The following AIG1 variants were observed in gnomAD, a reference collection of about 807,000 sequenced individuals.
AIG1 encodes androgen-induced gene 1 protein.
In AIG1, 23 loss-of-function variants were observed where a neutral mutation model predicts 31.4. That is an observed-to-expected ratio of 0.73 (90% CI 0.53 to 1.04). AIG1 has a LOEUF of 1.04. Ranked by LOEUF, AIG1 falls within the 50% of genes least tolerant of loss-of-function variation. The pLI, the probability that AIG1 is intolerant of heterozygous loss-of-function variation, is 0.00. For synonymous variants in AIG1, 100 were observed against 110.5 expected (o/e 0.90, Z 0.60); for missense variants, 274 against 295.0 (o/e 0.93, Z 0.52).
At position 143,165,076 on chromosome 6, in the gene AIG1, T is replaced by C. The variant is rs369953522; in HGVS notation, c.298-6T>C. The C allele has an allele frequency of 1.6e-3, 2,563 of 1,597,550 alleles. 2 individuals are homozygous for C. The highest frequency in any genetic ancestry group is 3.3e-3 in the Middle Eastern group (20 of 6,024). ...CTTGAAATAAAAGATTTCTTTTTCC[T>C]TCCAGTTTGTTGTAGCAGTGTTCTG... On this transcript the variant is annotated splice_polypyrimidine_tract_variant and splice_region_variant and intron_variant, in intron 2 of 5. Transcript: ENST00000357847.
At chr6:143,290,887 C>G (rs1798018307) in intron 4 of AIG1, among the ~76,000 whole-genome samples, 1 of 152,144 alleles carries the variant, frequency 6.6e-6, no homozygotes, top group African/African-American at 2.4e-5. Context: ...ACTCTGCTCA[C>G]TTACTATCAC....
At chr6:143,313,277 A>G (rs1775458157) in intron 4 of AIG1, among the ~76,000 whole-genome samples, 2 of 152,210 alleles carry the variant, frequency 1.3e-5, no homozygotes, top group African/African-American at 4.8e-5. Flanking sequence ...CACTATTCAC[A>G]ATAGCCAAGA....
At chr6:143,191,223 C>G (rs1432174895) in intron 3 of AIG1, among the ~76,000 whole-genome samples, 1 of 152,158 alleles carries the variant, frequency 6.6e-6, no homozygotes, top group Non-Finnish European at 1.5e-5. Flanking sequence ...GGTGGTATCT[C>G]TGCCTCAGTT....
At chr6:143,165,977 T>C (rs1786897607) in intron 3 of AIG1, among the ~76,000 whole-genome samples, 1 of 152,160 alleles carries the variant, frequency 6.6e-6, no homozygotes, top group Non-Finnish European at 1.5e-5. Flanking sequence ...TTTTAGAATA[T>C]GTCCCAGGGT....
intron 5 of AIG1, chr6:143,337,885 A>T (rs945320695): frequency 1.9e-4 from 75 of 398,322 alleles, no homozygotes; most frequent in Admixed American, 1.3e-4. Context: ...TCGCTTTGCG[A>T]TAGGTTTCTT....
downstream of AIG1, among the ~76,000 whole-genome samples, chr6:143,341,574 A>C (rs544819282): frequency 6.6e-6 from 1 of 152,338 alleles, no homozygotes; most frequent in Admixed American, 6.5e-5. Flanking sequence ...ATGTACATAC[A>C]CAGAGGAAAG....
chr6:143,318,679 G>T (rs1245280937), intron 4 of AIG1, among the ~76,000 whole-genome samples: 3 of 151,840 alleles, frequency 2.0e-5, no homozygotes, highest in African/African-American at 7.3e-5. Context: ...ACAATCAGCA[G>T]AGTAAACAGA....
intron 1 of AIG1, among the ~76,000 whole-genome samples, chr6:143,103,633 G>A (rs895553059): frequency 3.4e-5 from 5 of 145,316 alleles, no homozygotes; most frequent in South Asian, 2.3e-4. Flanking sequence ...TCAGCCTCCC[G>A]AGTAGCTGGG....
intron 1 of AIG1, among the ~76,000 whole-genome samples, chr6:143,116,604 G>A (rs1428165895): frequency 1.3e-5 from 2 of 151,220 alleles, no homozygotes; most frequent in Middle Eastern, 3.4e-3. Context: ...AGTGGCAGGA[G>A]AGGCCTATTT....
At chr6:143,316,312 C>A (rs1377140107) in intron 4 of AIG1, among the ~76,000 whole-genome samples, 1 of 152,116 alleles carries the variant, frequency 6.6e-6, no homozygotes, top group African/African-American at 2.4e-5. Context: ...GAAAGATCCC[C>A]TTTGCCCACA....
At chr6:143,319,297 A>G (rs1429706004) in intron 4 of AIG1, among the ~76,000 whole-genome samples, 1 of 152,204 alleles carries the variant, frequency 6.6e-6, no homozygotes, top group African/African-American at 2.4e-5. Flanking sequence ...ACTCAGCCAT[A>G]AAAAGGAATG....
intron 2 of AIG1, among the ~76,000 whole-genome samples, chr6:143,149,040 C>T (rs1784945243): frequency 6.6e-6 from 1 of 152,128 alleles, no homozygotes; most frequent in South Asian, 2.1e-4. Flanking sequence ...ATGATGTTTA[C>T]AGGATGGTAA....
chr6:143,266,939 T>C (rs1312012306), intron 3 of AIG1, among the ~76,000 whole-genome samples: 1 of 152,148 alleles, frequency 6.6e-6, no homozygotes, highest in Non-Finnish European at 1.5e-5. Context: ...TTAAGGACAA[T>C]AATATGATCT....
chr6:143,177,475 T>C (rs189789188), intron 3 of AIG1, among the ~76,000 whole-genome samples: 40 of 152,366 alleles, frequency 2.6e-4, no homozygotes, highest in African/African-American at 8.4e-4. Context: ...TGTATATGTA[T>C]ACGTATCATA....
chr6:143,174,782 G>A (rs1247017301), intron 3 of AIG1, among the ~76,000 whole-genome samples: 1 of 152,172 alleles, frequency 6.6e-6, no homozygotes, highest in Non-Finnish European at 1.5e-5. Flanking sequence ...TGTCTTTTAA[G>A]TAGAGGATTT....
At chr6:143,204,089 C>G (rs1385043755) in intron 3 of AIG1, among the ~76,000 whole-genome samples, 1 of 152,102 alleles carries the variant, frequency 6.6e-6, no homozygotes, top group Non-Finnish European at 1.5e-5. Flanking sequence ...TTTAAAAATG[C>G]AAAACTAAAG....
At chr6:143,078,779 C>T (rs975246504) in intron 1 of AIG1, among the ~76,000 whole-genome samples, 1 of 152,190 alleles carries the variant, frequency 6.6e-6, no homozygotes, top group South Asian at 2.1e-4. Context: ...ATGAGAGCTA[C>T]AATTCAAGAT....
chr6:143,120,915 G>A (rs192878894), intron 1 of AIG1, among the ~76,000 whole-genome samples: 1 of 152,158 alleles, frequency 6.6e-6, no homozygotes, highest in Non-Finnish European at 1.5e-5. Context: ...GGAACACCTG[G>A]CCCACCCAGG....
intron 4 of AIG1, among the ~76,000 whole-genome samples, chr6:143,312,535 T>C (rs2128708156): frequency 6.6e-6 from 1 of 152,228 alleles, no homozygotes. Context: ...GACCCCTATC[T>C]CTTGCTATAT....
Sources: gnomAD v4.1 joint callset for allele counts (sites outside exome capture counted in the v4.1 genomes callset) on GRCh38, gnomAD v4.1.1 for gene constraint, MANE v1.5 for transcripts, NCBI Gene and HGNC (gene_info 2026-07-23, HGNC 2026-07-21) for gene names.